Variants in GALNT17 observed in about 807,000 individuals in gnomAD.
The protein encoded by GALNT17 is UDP-GalNAc:polypeptide N-acetylgalactosaminyltransferase-like 3.
In GALNT17, 29 loss-of-function variants were observed where a neutral mutation model predicts 63.7. That is an observed-to-expected ratio of 0.46 (90% CI 0.34 to 0.62). GALNT17 has a LOEUF of 0.62. GALNT17 is among the 20% of genes least tolerant of loss of function. The probability of loss-of-function intolerance (pLI) is 0.01; values close to 1 mark genes in which losing one functional copy is unlikely to be tolerated. For synonymous variants in GALNT17, 305 were observed against 318.3 expected, an observed-to-expected ratio of 0.96 and a Z score of 0.45; for missense variants, 603 against 799.6, an observed-to-expected ratio of 0.75 and a Z score of 2.97.
At chr7:71,259,643 TTTG>T (rs1252036407) in intron 1 of GALNT17, among the ~76,000 whole-genome samples, 5 of 146,940 alleles carry the variant, frequency 3.4e-5, no homozygotes, top group African/African-American at 1.0e-4. Context: ...TTTTTGTTTT[TTTG>T]TTTTTTTTTT....
At chr7:71,687,209 C>T (rs1791372717) in intron 9 of GALNT17, among the ~76,000 whole-genome samples, 1 of 152,204 alleles carries the variant, frequency 6.6e-6, no homozygotes, top group Non-Finnish European at 1.5e-5. Context: ...GTTAATTCAT[C>T]ACCAAAATGA....
chr7:71,442,034 G>A (rs547929950), intron 5 of GALNT17, among the ~76,000 whole-genome samples: 5 of 152,134 alleles, frequency 3.3e-5, no homozygotes, highest in African/African-American at 1.2e-4. Flanking sequence ...GGTATTTCTG[G>A]TTCTAGATCC....
chr7:71,145,797 C>G (rs1176789378), intron 1 of GALNT17, among the ~76,000 whole-genome samples: 1 of 152,198 alleles, frequency 6.6e-6, no homozygotes, highest in South Asian at 2.1e-4. Flanking sequence ...CCTTCACCTC[C>G]TGGGTTCAAA....
intron 5 of GALNT17, among the ~76,000 whole-genome samples, chr7:71,538,106 A>G (rs866100592): frequency 1.7e-4 from 26 of 152,336 alleles, no homozygotes; most frequent in Middle Eastern, 3.4e-3. Flanking sequence ...CCCTTCGGAA[A>G]CTAATATATA....
At chr7:71,531,012 A>G (rs1182756015) in intron 5 of GALNT17, among the ~76,000 whole-genome samples, 3 of 152,096 alleles carry the variant, frequency 2.0e-5, no homozygotes, top group African/African-American at 4.8e-5. Flanking sequence ...GGCTGCATGA[A>G]CACTTGAAAT....
At chr7:71,664,592 TAGAG>T (rs1318835951) in intron 6 of GALNT17, among the ~76,000 whole-genome samples, 3 of 152,212 alleles carry the variant, frequency 2.0e-5, no homozygotes, top group Non-Finnish European at 4.4e-5. Flanking sequence ...GTCTGGGTGA[TAGAG>T]AGAGACCCTG....
chr7:71,711,878 G>C, intron 10 of GALNT17, 140 bp from the exon 11 acceptor site: 2 of 881,448 alleles, frequency 2.3e-6, no homozygotes, highest in East Asian at 2.9e-5. Flanking sequence ...CTCTTTCTCT[G>C]TCTCTCTCTT....
In GALNT17 at chr7:71,287,912, C is replaced by T. The variant is rs748240665; in HGVS notation, c.239-47638C>T. Among the ~76,000 whole-genome samples the T allele has an allele frequency of 5.3e-5, 8 of 151,880 alleles. No homozygotes were observed. In the South Asian group the frequency reaches 8.3e-4, roughly 16 times the overall value. ...ACTAAAAACACAAAAATTAGCTGGG[C>T]GTGGTGGTGCGCACCTGTAGTCCCA... is the stretch of plus-strand genomic sequence containing the variant. On this transcript the variant is annotated intron_variant, in intron 1 of 10. Transcript: ENST00000333538.
At chr7:71,525,229 G>A (rs931405945) in intron 5 of GALNT17, among the ~76,000 whole-genome samples, 5 of 152,122 alleles carry the variant, frequency 3.3e-5, no homozygotes, top group South Asian at 4.1e-4. Context: ...GCTGGAGAGC[G>A]CACTGGTGTG....
chr7:71,292,114 A>G (rs1790989464), intron 1 of GALNT17, among the ~76,000 whole-genome samples: 1 of 152,344 alleles, frequency 6.6e-6, no homozygotes, highest in Non-Finnish European at 1.5e-5. Flanking sequence ...TCTTGAACTA[A>G]TAATTTTCCC....
chr7:71,381,691 A>T (rs529961281), intron 2 of GALNT17, among the ~76,000 whole-genome samples: 46 of 152,216 alleles, frequency 3.0e-4, no homozygotes, highest in African/African-American at 1.1e-3. Context: ...AGGCAGGAGA[A>T]TTGTTTGAAC....
intron 1 of GALNT17, among the ~76,000 whole-genome samples, chr7:71,255,615 CT>C (rs1460699570): frequency 6.6e-6 from 1 of 152,182 alleles, no homozygotes; most frequent in Non-Finnish European, 1.5e-5. Context: ...CATTTGTAAC[CT>C]GGAAAATGCT....
At position 71,132,708 on chromosome 7, in the gene GALNT17, C is replaced by G. The variant is rs1391224637; in HGVS notation, c.-95C>G. The G allele has an allele frequency of 4.0e-5, 42 of 1,052,136 alleles. No homozygotes were observed. The highest frequency in any genetic ancestry group is 4.9e-5 in the Non-Finnish European group (36 of 741,406). The allele number at this position is 1,052,136 out of a possible 1,614,324, so 65.2% of individuals were successfully genotyped here. ...AGGGGCTTGGATCCCTGCCGGCCGT[C>G]TGGTGTGTGAGGCTTGCACGGCCCC... On this transcript the variant is annotated 5_prime_UTR_variant, in exon 1 of 11. Transcript: ENST00000333538.
intron 1 of GALNT17, among the ~76,000 whole-genome samples, chr7:71,137,797 G>A (rs774719780): frequency 6.6e-6 from 1 of 152,168 alleles, no homozygotes; most frequent in Non-Finnish European, 1.5e-5. Flanking sequence ...TTCGTTAAAT[G>A]TATGATTTCA....
intron 6 of GALNT17, among the ~76,000 whole-genome samples, chr7:71,578,517 C>A: frequency 6.6e-6 from 1 of 151,530 alleles, no homozygotes; most frequent in Non-Finnish European, 1.5e-5. Context: ...TTTTTTGGTT[C>A]TTTTGTAGAG....
intron 9 of GALNT17, among the ~76,000 whole-genome samples, chr7:71,702,209 A>G (rs1024659154): frequency 2.6e-5 from 4 of 152,054 alleles, no homozygotes; most frequent in Admixed American, 2.0e-4. Flanking sequence ...TGGGTTCAGT[A>G]GAAGCCCAAA....
chr7:71,628,068 A>AG (rs939698040), intron 6 of GALNT17, among the ~76,000 whole-genome samples: 1 of 66,644 alleles, frequency 1.5e-5, no homozygotes, highest in African/African-American at 3.2e-5. Flanking sequence ...AGGGGATCTC[A>AG]GGGGGAAAAA....
chr7:71,348,215 C>A (rs928344445), intron 2 of GALNT17, among the ~76,000 whole-genome samples: 6 of 151,504 alleles, frequency 4.0e-5, no homozygotes, highest in Admixed American at 1.3e-4. Context: ...GAGCCAAGAT[C>A]ACACCATTGC....
At chr7:71,645,807 G>A (rs949741334) in intron 6 of GALNT17, among the ~76,000 whole-genome samples, 18 of 152,154 alleles carry the variant, frequency 1.2e-4, no homozygotes, top group African/African-American at 4.1e-4. Flanking sequence ...GACTTCAGTT[G>A]TGAAGTCAGC....
Sources: gnomAD v4.1 joint callset for allele counts (sites outside exome capture counted in the v4.1 genomes callset) on GRCh38, gnomAD v4.1.1 for gene constraint, MANE v1.5 for transcripts, NCBI Gene and HGNC (gene_info 2026-07-23, HGNC 2026-07-21) for gene names.